The following CEP63 variants were observed in gnomAD, a reference collection of about 807,000 sequenced individuals.
CEP63 encodes the protein centrosomal protein of 63 kDa.
In CEP63, 84 loss-of-function variants were observed where a neutral mutation model predicts 89.1. That is an observed-to-expected ratio of 0.94 (90% CI 0.79 to 1.13). The LOEUF (loss-of-function observed/expected upper bound fraction) is 1.13, where lower values mean the gene tolerates loss of function less well. Among genes scored for constraint, CEP63 ranks in the 50% most tolerant of loss-of-function variants. The pLI is 0.00. For synonymous variants in CEP63, 267 were observed against 272.5 expected (o/e 0.98, Z 0.20); for missense variants, 838 against 813.3 (o/e 1.03, Z -0.37).
the CEP63 span, among the ~76,000 whole-genome samples, chr3:134,637,207 A>G: frequency 5.3e-5 from 8 of 152,372 alleles, no homozygotes; most frequent in East Asian, 1.3e-3. Context: ...TTAAAACATT[A>G]AGCATTTCAG....
the CEP63 span, among the ~76,000 whole-genome samples, chr3:134,630,134 G>C: frequency 6.6e-6 from 1 of 152,242 alleles, no homozygotes; most frequent in Non-Finnish European, 1.5e-5. Flanking sequence ...TGCAGAAAAA[G>C]AGCACACAAG....
intron 7 of CEP63, 47 bp downstream of exon 7, chr3:134,545,866 T>A (rs778788178): frequency 4.5e-5 from 62 of 1,374,422 alleles, no homozygotes; most frequent in Non-Finnish European, 5.5e-5. Context: ...TGTATGAGTA[T>A]TTTAAGAGAG....
chr3:134,716,361 G>T, the CEP63 span, among the ~76,000 whole-genome samples: 2 of 152,314 alleles, frequency 1.3e-5, no homozygotes, highest in East Asian at 1.9e-4. Flanking sequence ...GGGCTGAATT[G>T]CTCTGTGGTC....
the CEP63 span, among the ~76,000 whole-genome samples, chr3:134,662,793 T>C: frequency 1.3e-5 from 2 of 152,176 alleles, no homozygotes; most frequent in African/African-American, 4.8e-5. Flanking sequence ...AACCACAAAG[T>C]CTATCACTCA....
chr3:134,602,907 T>C, the CEP63 span, among the ~76,000 whole-genome samples: 2 of 152,294 alleles, frequency 1.3e-5, no homozygotes, highest in East Asian at 3.9e-4. Context: ...GTTGTCACAT[T>C]CCTGACTATA....
the CEP63 span, among the ~76,000 whole-genome samples, chr3:134,688,671 T>C: frequency 6.6e-6 from 1 of 152,190 alleles, no homozygotes; most frequent in African/African-American, 2.4e-5. Flanking sequence ...ATCTGGGTGC[T>C]GTTCCATCAG....
chr3:134,536,107 A>G (rs1194790361), intron 5 of CEP63: 2 of 152,110 alleles, frequency 1.3e-5, no homozygotes, highest in African/African-American at 2.4e-5. Flanking sequence ...TGTTTACTTA[A>G]ATGTTTTTCA....
intron 10 of CEP63, among the ~76,000 whole-genome samples, chr3:134,581,525 G>C (rs1479057469): frequency 6.6e-6 from 1 of 150,912 alleles, no homozygotes. Context: ...GGTTGCCAGT[G>C]AGCCGAGATG....
chr3:134,661,802 T>A, the CEP63 span, among the ~76,000 whole-genome samples: 2 of 118,416 alleles, frequency 1.7e-5, no homozygotes, highest in Non-Finnish European at 3.8e-5. Context: ...GGGATGAATA[T>A]TTGTGCCCCC....
chr3:134,576,172 G>A (rs983308291), downstream of CEP63, among the ~76,000 whole-genome samples: 1 of 152,110 alleles, frequency 6.6e-6, no homozygotes, highest in Non-Finnish European at 1.5e-5. Context: ...GCCCTGGTAT[G>A]GTTTCTGGGA....
chr3:134,651,181 A>G, the CEP63 span: 2 of 1,383,666 alleles, frequency 1.4e-6, no homozygotes, highest in Non-Finnish European at 1.9e-6. Context: ...AGCGGCTCTA[A>G]GTCACCTTTG....
At chr3:134,646,132 C>T in the CEP63 span, among the ~76,000 whole-genome samples, 3 of 152,210 alleles carry the variant, frequency 2.0e-5, no homozygotes, top group African/African-American at 7.2e-5. Flanking sequence ...ATGGCCATTT[C>T]TGTGGCTAAC....
chr3:134,547,990 C>T (rs1277733459), intron 9 of CEP63, among the ~76,000 whole-genome samples: 1 of 152,144 alleles, frequency 6.6e-6, no homozygotes, highest in East Asian at 1.9e-4. Flanking sequence ...TACCAGTCTG[C>T]CCATACCTGT....
chr3:134,558,887 A>G (rs754882680), intron 13 of CEP63, among the ~76,000 whole-genome samples: 1 of 152,150 alleles, frequency 6.6e-6, no homozygotes, highest in Non-Finnish European at 1.5e-5. Flanking sequence ...CTGTCCCAGC[A>G]CTAACCACAC....
the CEP63 span, among the ~76,000 whole-genome samples, chr3:134,700,251 C>G: frequency 6.6e-6 from 1 of 151,016 alleles, no homozygotes; most frequent in African/African-American, 2.4e-5. Context: ...CTCTCCACTT[C>G]CATTCCTGCC....
the CEP63 span, among the ~76,000 whole-genome samples, chr3:134,649,503 T>C: frequency 6.6e-6 from 1 of 152,186 alleles, no homozygotes; most frequent in African/African-American, 2.4e-5. Context: ...GCAGTCTCAT[T>C]TCTATCAAGA....
chr3:134,650,830 C>G, the CEP63 span: 11 of 1,593,828 alleles, frequency 6.9e-6, no homozygotes, highest in Non-Finnish European at 9.4e-6. Context: ...GTTACCTCCT[C>G]CGCGCTGCAG....
the CEP63 span, among the ~76,000 whole-genome samples, chr3:134,671,622 G>A: frequency 6.6e-6 from 1 of 152,274 alleles, no homozygotes; most frequent in African/African-American, 2.4e-5. Context: ...ATTTCATAAG[G>A]AAAATAATAA....
downstream of CEP63, among the ~76,000 whole-genome samples, chr3:134,592,469 GGTGTGTGTGTGTGTGTGTGTGTGT>G (rs34973626): frequency 1.6e-5 from 2 of 125,200 alleles, no homozygotes; most frequent in Admixed American, 1.7e-4. Context: ...TCTGCAAACT[GGTGTGTGTGTGTGTGTGTGTGTGT>G]GTGTGTGTGT....
Sources: gnomAD v4.1 joint callset for allele counts (sites outside exome capture counted in the v4.1 genomes callset) on GRCh38, gnomAD v4.1.1 for gene constraint, MANE v1.5 for transcripts, NCBI Gene and HGNC (gene_info 2026-07-23, HGNC 2026-07-21) for gene names.